Variants in GDI2 observed in about 807,000 individuals in gnomAD.
GDI2 encodes the protein rab GDP dissociation inhibitor beta.
A neutral mutation model predicts 54.2 loss-of-function variants in GDI2; 22 were observed. That is an observed-to-expected ratio of 0.41 (90% CI 0.29 to 0.58). The LOEUF (loss-of-function observed/expected upper bound fraction) is 0.58. Ranked by LOEUF, GDI2 falls within the 20% of genes least tolerant of loss-of-function variation. The pLI is 0.35. For missense variants in GDI2, 422 were observed against 546.0 expected (o/e 0.77, Z 2.26); for synonymous variants, 177 against 182.1 (o/e 0.97, Z 0.23).
intron 1 of GDI2, among the ~76,000 whole-genome samples, chr10:5,803,589 C>A (rs573191077): frequency 2.6e-5 from 4 of 152,124 alleles, no homozygotes; most frequent in Admixed American, 6.5e-5. Context: ...TTTTTTAGCA[C>A]GTGAACAGAT....
rs1840318182 is a variant in GDI2, at chr10:5,766,018, A to C, written c.1326T>G (p.Tyr442Ter). ...EEMKRKKNDI[Y>*]GED ...ACATGTACTGCTGTTAGTCTTCCCC[A>C]TAGATGTCATTCTTCTTGCGCTTCA... is the stretch of plus-strand genomic sequence containing the variant. Residue 442 changes from tyrosine to a stop codon, truncating the protein, a stop_gained, in exon 11 of 11, where the codon TAT becomes TAG. Transcript: ENST00000380191. LOFTEE classifies it high-confidence loss of function. The surrounding 1 kb of genome is among the most constrained non-coding windows in gnomAD (Gnocchi z 5.8). 2 of 1,583,524 alleles carry C rather than the reference A, an allele frequency of 1.3e-6. No homozygotes were observed. Among genetic ancestry groups the C allele is most frequent in the East Asian group, 4.5e-5 (2 of 44,796 alleles).
intron 4 of GDI2, 135 bp downstream of exon 4, chr10:5,794,750 A>T: frequency 3.0e-6 from 2 of 674,082 alleles, no homozygotes; most frequent in Non-Finnish European, 5.2e-6. Flanking sequence ...CCAACTGCCT[A>T]GAACAGTGTC....
intron 3 of GDI2, among the ~76,000 whole-genome samples, chr10:5,796,205 C>T (rs1035473110): frequency 6.6e-6 from 1 of 151,994 alleles, no homozygotes; most frequent in African/African-American, 2.4e-5. Context: ...CAAAAATTAG[C>T]TGGGCGTGGT....
intron 2 of GDI2, among the ~76,000 whole-genome samples, chr10:5,798,700 A>C (rs1221151844): frequency 6.8e-6 from 1 of 147,734 alleles, no homozygotes; most frequent in Non-Finnish European, 1.5e-5. Context: ...ATACTAGGCC[A>C]GGCACAGAGG....
Position 5,776,250 on chromosome 10 carries a change from T to C in GDI2, c.720-2309A>G, listed in dbSNP as rs935117534. ...AGGAATAGGAAACAGCGCCTCCTCA[T>C]CCAAGACAGGTGGAAAAGGGCCCAG... is the stretch of plus-strand genomic sequence containing the variant. On this transcript the variant is annotated intron_variant, in intron 6 of 10. Transcript: ENST00000380191. The surrounding 1 kb of genome is among the most constrained non-coding windows in gnomAD (Gnocchi z 5.3). 1 of 483,866 alleles carries C rather than the reference T, an allele frequency of 2.1e-6. No individual in the cohort carries two copies. Among genetic ancestry groups the C allele is most frequent in the Admixed American group, 2.9e-5 (1 of 34,178 alleles). 30.0% of individuals were successfully genotyped at this position (483,866 alleles called of 1,614,324 possible). A position where few individuals can be genotyped will look rare whatever the true frequency, so the allele number is the denominator to read the frequency against.
At chr10:5,812,204 TAAAAAA>T (rs202220456) in intron 1 of GDI2, among the ~76,000 whole-genome samples, 1 of 140,080 alleles carries the variant, frequency 7.1e-6, no homozygotes, top group African/African-American at 2.6e-5. Context: ...GATGAACATT[TAAAAAA>T]AAAAAAAAAA....
At chr10:5,786,522 A>C (rs1231579684) in intron 4 of GDI2, among the ~76,000 whole-genome samples, 1 of 152,168 alleles carries the variant, frequency 6.6e-6, no homozygotes, top group Non-Finnish European at 1.5e-5. Context: ...CAGTTTCACA[A>C]CACCTTAAAC....
At chr10:5,808,204 G>C (rs1841414345) in intron 1 of GDI2, among the ~76,000 whole-genome samples, 1 of 152,054 alleles carries the variant, frequency 6.6e-6, no homozygotes, top group African/African-American at 2.4e-5. Context: ...GCCTCCTGTA[G>C]TTCCAGCTAA....
intron 4 of GDI2, among the ~76,000 whole-genome samples, chr10:5,794,210 T>A (rs868499108): frequency 0.069 from 6,231 of 90,846 alleles, 959 homozygotes; most frequent in Non-Finnish European, 0.11. Flanking sequence ...TATATATATA[T>A]ATATATATAT....
At chr10:5,779,285 CG>C (rs1426152120) in intron 6 of GDI2, among the ~76,000 whole-genome samples, 3 of 151,596 alleles carry the variant, frequency 2.0e-5, no homozygotes, top group Non-Finnish European at 4.4e-5. Context: ...CTGAGGCGGG[CG>C]GATCACAAGG....
chr10:5,798,857 C>T (rs1446299759), intron 2 of GDI2, among the ~76,000 whole-genome samples: 1 of 75,374 alleles, frequency 1.3e-5, no homozygotes, highest in Non-Finnish European at 2.5e-5. Flanking sequence ...CACCTGTAAT[C>T]CCAGCTACTC....
Position 5,773,844 on chromosome 10 carries a change from C to G in GDI2, c.817G>C (p.Glu273Gln), listed in dbSNP as rs1398405386. 4 of 1,316,726 alleles carry G rather than the reference C, an allele frequency of 3.0e-6. 1 individual carries two copies. In the South Asian group the frequency reaches 4.9e-5, roughly 16 times the overall value. 81.6% of individuals were successfully genotyped at this position (1,316,726 alleles called of 1,614,324 possible). A position where few individuals can be genotyped will look rare whatever the true frequency, so the allele number is the denominator to read the frequency against. ...TTTTCATTTTAAAAGCTACTTACTT[C>G]TCCTTCAGATTTTACACCAATTACT... ...GKVIGVKSEG[E>Q]IARCKQLICD... The change falls in exon 7 of 11, where the codon GAA becomes CAA. Residue 273 changes from glutamate (E) to glutamine (Q), a missense_variant and splice_region_variant. Transcript: ENST00000380191.
Position 5,785,143 on chromosome 10 carries a change from T to G in GDI2, c.718A>C (p.Arg240=). The G allele has an allele frequency of 6.3e-7, 1 of 1,585,562 alleles. No individual in the cohort carries two copies. Among genetic ancestry groups the G allele is most frequent in the Non-Finnish European group, 8.6e-7 (1 of 1,167,732 alleles). Residue 240 remains arginine, a splice_region_variant and synonymous_variant, in exon 6 of 11, where the codon AGG becomes CGG. Transcript: ENST00000380191. The part of the protein sequence containing the change: ...GLGELPQGFA[R]LSAIYGGTYM... ...GAGGTTTTAAACACAGGCTCTTACC[T>G]TGCAAATCCTTGGGGCAGTTCTCCA...
At chr10:5,780,707 T>C (rs11255139) in intron 6 of GDI2, among the ~76,000 whole-genome samples, 7,371 of 152,104 alleles carry the variant, frequency 0.048, 692 homozygotes, top group East Asian at 0.42. Context: ...TACAAAGAGA[T>C]TGAACAAAAA....
At chr10:5,809,889 T>C (rs1322532242) in intron 1 of GDI2, among the ~76,000 whole-genome samples, 2 of 152,262 alleles carry the variant, frequency 1.3e-5, no homozygotes, top group Non-Finnish European at 2.9e-5. Context: ...ATTTCACTTA[T>C]ATTTTCTTTT....
chr10:5,805,363 T>TAAAAAAAAA (rs33941987), intron 1 of GDI2, among the ~76,000 whole-genome samples: 1 of 105,922 alleles, frequency 9.4e-6, no homozygotes, highest in African/African-American at 3.6e-5. Flanking sequence ...ATTTGCTCTT[T>TAAAAAAAAA]AAAAAAAAAA....
chr10:5,782,576 G>A (rs1274052591), intron 6 of GDI2, among the ~76,000 whole-genome samples: 1 of 152,058 alleles, frequency 6.6e-6, no homozygotes, highest in African/African-American at 2.4e-5. Flanking sequence ...CTAACTAGAT[G>A]TCCACCAAAA....
At chr10:5,770,513 GAT>G (rs1840462084) in intron 7 of GDI2, among the ~76,000 whole-genome samples, 1 of 152,056 alleles carries the variant, frequency 6.6e-6, no homozygotes, top group Non-Finnish European at 1.5e-5. Context: ...AGTGAGCCAA[GAT>G]CATGCCACTG....
rs1371301334 is a variant in GDI2, at chr10:5,765,726, A to G, written c.*280T>C. On this transcript the variant is annotated 3_prime_UTR_variant, in exon 11 of 11. Coordinates refer to ENST00000380191, the MANE Select transcript of GDI2 (RefSeq NM_001494.4). ...TTAAAAGATTAAAAAAACTGTCTCAAGTTGTCTGTGTCGGTATCCCAATGT... is the reference window on the plus strand; with the variant it reads ...TTAAAAGATTAAAAAAACTGTCTCAGGTTGTCTGTGTCGGTATCCCAATGT... 1.1e-5 allele frequency: 4 copies of G among 348,750 alleles called. No individual in the cohort carries two copies. In the East Asian group the frequency reaches 2.7e-4, roughly 23 times the overall value. 21.6% of individuals were successfully genotyped at this position (348,750 alleles called of 1,614,324 possible). A position where few individuals can be genotyped will look rare whatever the true frequency, so the allele number is the denominator to read the frequency against.
Sources: allele counts gnomAD v4.1 joint callset (sites outside exome capture counted in the v4.1 genomes callset), GRCh38; gene constraint gnomAD v4.1.1; non-coding constraint Gnocchi (gnomAD v3.1); transcripts MANE v1.5; gene names NCBI Gene and HGNC (gene_info 2026-07-23, HGNC 2026-07-21).